ACVR1: variants seen among roughly 807,000 people sequenced by gnomAD.
The protein encoded by ACVR1 is activin receptor type-1.
A neutral mutation model predicts 57.1 loss-of-function variants in ACVR1; 38 were observed. The ratio of observed to expected loss-of-function variants is 0.67; its 90% CI spans 0.51 to 0.87. ACVR1 has a LOEUF of 0.87. ACVR1 is among the 40% of genes least tolerant of loss of function. The probability of loss-of-function intolerance (pLI) is 0.00; values close to 1 mark genes in which losing one functional copy is unlikely to be tolerated. For missense variants in ACVR1, 463 were observed against 638.2 expected (o/e 0.73, Z 2.96); for synonymous variants, 212 against 228.1 (o/e 0.93, Z 0.63).
intron 1 of ACVR1, among the ~76,000 whole-genome samples, chr2:157,862,315 CA>C (rs1689748497): frequency 6.6e-6 from 1 of 151,838 alleles, no homozygotes; most frequent in South Asian, 2.1e-4. Context: ...CTGCTTTTTT[CA>C]TGTAATATTT....
At chr2:157,797,378 C>A (rs913535183) in intron 3 of ACVR1, among the ~76,000 whole-genome samples, 1 of 152,096 alleles carries the variant, frequency 6.6e-6, no homozygotes, top group Non-Finnish European at 1.5e-5. Context: ...AGACCATACC[C>A]CAAAGAACCT....
chr2:157,855,373 A>C, intron 1 of ACVR1, among the ~76,000 whole-genome samples: 1 of 141,168 alleles, frequency 7.1e-6, no homozygotes, highest in African/African-American at 2.6e-5. Context: ...GGTGGCTTTC[A>C]TCTGTGGTCC....
chr2:157,780,250 C>T (rs1686452822), intron 4 of ACVR1, 87 bp downstream of exon 4: 1 of 1,580,914 alleles, frequency 6.3e-7, no homozygotes, highest in East Asian at 2.2e-5. Context: ...TGGAATGCCT[C>T]ATAGCTACTT....
intron 1 of ACVR1, among the ~76,000 whole-genome samples, chr2:157,849,744 C>A (rs369191402): frequency 2.8e-4 from 43 of 152,310 alleles, no homozygotes; most frequent in African/African-American, 1.0e-3. Context: ...CAGGAACATA[C>A]ACGGATAACC....
Position 157,738,465 on chromosome 2 carries a change from A to T in ACVR1, c.1370T>A (p.Ile457Lys), listed in dbSNP as rs1244629836. The T allele has an allele frequency of 1.2e-6, 2 of 1,613,980 alleles. No individual in the cohort carries two copies. Among genetic ancestry groups the T allele is most frequent in the Non-Finnish European group, 1.7e-6 (2 of 1,179,960 alleles). The change falls in exon 10 of 11, where the codon ATA becomes AAA. Residue 457 changes from isoleucine (I) to lysine (K), a missense_variant. Physicochemically the swap from Ile to Lys is moderately radical, Grantham distance 102. Transcript: ENST00000434821. ...CGGGTCTGAGAACCATCTGTTGGGT[A>T]TGTTTGGCCTTTGTTGATCCACACA... ...VVCVDQQRPN[I>K]PNRWFSDPTL...
intron 1 of ACVR1, among the ~76,000 whole-genome samples, chr2:157,837,689 G>A (rs998552493): frequency 6.6e-6 from 1 of 152,088 alleles, no homozygotes; most frequent in Non-Finnish European, 1.5e-5. Flanking sequence ...GAAACTACCA[G>A]CCAACTTCAT....
chr2:157,820,844 A>G lies in ACVR1; in HGVS notation c.-182-2285T>C, dbSNP rs140707977. Among the ~76,000 whole-genome samples, 560 of 152,336 alleles carry G rather than the reference A, an allele frequency of 3.7e-3. 1 individual carries two copies. The highest frequency in any genetic ancestry group is 4.9e-3 in the Non-Finnish European group (334 of 68,038). On this transcript the variant is annotated intron_variant, in intron 1 of 10. Transcript: ENST00000434821. ...CAATTCAAAACTAGGTAAAGATCAC[A>G]TATTATTCTTCACTGTTTGGCCCTC...
At chr2:157,829,428 A>C (rs1688505768) in intron 1 of ACVR1, among the ~76,000 whole-genome samples, 1 of 152,102 alleles carries the variant, frequency 6.6e-6, no homozygotes, top group Non-Finnish European at 1.5e-5. Flanking sequence ...TCTCCTCTAC[A>C]TCCCTGCCAT....
intron 1 of ACVR1, among the ~76,000 whole-genome samples, chr2:157,865,866 T>TA (rs1349784374): frequency 1.2e-4 from 15 of 125,896 alleles, no homozygotes; most frequent in Admixed American, 2.4e-4. Context: ...ATAGATAGAT[T>TA]GACTGATTGA....
chr2:157,766,265 A>T, intron 7 of ACVR1, 69 bp from the exon 8 acceptor site: 1 of 1,492,632 alleles, frequency 6.7e-7, no homozygotes, highest in Non-Finnish European at 9.3e-7. Flanking sequence ...ATTTAGAAAT[A>T]GCGACCTACA....
intron 3 of ACVR1, among the ~76,000 whole-genome samples, chr2:157,786,844 A>G (rs1267167905): frequency 6.6e-6 from 1 of 152,066 alleles, no homozygotes. Flanking sequence ...TAGTAGAGAA[A>G]AAGCTGCCCC....
At chr2:157,771,450 G>A (rs913972067) in intron 6 of ACVR1, among the ~76,000 whole-genome samples, 2 of 152,152 alleles carry the variant, frequency 1.3e-5, no homozygotes, top group Non-Finnish European at 2.9e-5. Context: ...GGAGGTTGGA[G>A]GAGGAGGTAA....
chr2:157,802,982 GAC>G (rs1309344908), intron 2 of ACVR1, among the ~76,000 whole-genome samples: 2 of 152,020 alleles, frequency 1.3e-5, no homozygotes, highest in African/African-American at 4.8e-5. Context: ...CATGCACACA[GAC>G]ACACACAGAG....
rs1684557378 is a variant in ACVR1 at position 157,737,007 on chromosome 2, A to G, written c.*524T>C. 2 of 285,966 alleles carry G rather than the reference A, an allele frequency of 7.0e-6. No homozygotes were observed. Among genetic ancestry groups the G allele is most frequent in the Non-Finnish European group, 1.3e-5 (2 of 153,480 alleles). 17.7% of individuals were successfully genotyped at this position (285,966 alleles called of 1,614,324 possible). A position where few individuals can be genotyped will look rare whatever the true frequency, so the allele number is the denominator to read the frequency against. On this transcript the variant is annotated 3_prime_UTR_variant, in exon 11 of 11. Coordinates refer to ENST00000434821, the MANE Select transcript of ACVR1 (RefSeq NM_001111067.4). ...TGTTTTGCCAAATTGAATTCCTATT[A>G]TCCAAAGACAGACCAGTGGAGTACG...
At chr2:157,859,151 G>T (rs1283190909) in intron 1 of ACVR1, among the ~76,000 whole-genome samples, 2 of 152,156 alleles carry the variant, frequency 1.3e-5, no homozygotes, top group Non-Finnish European at 2.9e-5. Flanking sequence ...GATGAAATAG[G>T]AGGTCGGCAC....
chr2:157,870,127 T>C (rs1558859761), intron 1 of ACVR1, among the ~76,000 whole-genome samples: 1 of 152,248 alleles, frequency 6.6e-6, no homozygotes, highest in Non-Finnish European at 1.5e-5. Flanking sequence ...CAGAATGCTT[T>C]TTCTCAAGTT....
intron 8 of ACVR1, among the ~76,000 whole-genome samples, chr2:157,764,363 C>CTTTTTTTTTTTTTTTTTTTT (rs113156681): frequency 7.5e-6 from 1 of 133,724 alleles, no homozygotes; most frequent in African/African-American, 2.8e-5. Context: ...TATTATTTTT[C>CTTTTTTTTTTTTTTTTTTTT]TTTTTTTTTT....
At chr2:157,770,334 A>G in intron 7 of ACVR1, 34 bp downstream of exon 7, 1 of 1,612,374 alleles carries the variant, frequency 6.2e-7, no homozygotes, top group Non-Finnish European at 8.5e-7. Flanking sequence ...TTCTCCCTAG[A>G]TACAATTAAT....
chr2:157,778,452 C>T, intron 4 of ACVR1, 110 bp from the exon 5 acceptor site: 1 of 900,596 alleles, frequency 1.1e-6, no homozygotes, highest in Non-Finnish European at 1.8e-6. Flanking sequence ...CACAGTCTCA[C>T]AACTCACGAA....
Sources: allele counts gnomAD v4.1 joint callset (sites outside exome capture counted in the v4.1 genomes callset), GRCh38; gene constraint gnomAD v4.1.1; transcripts MANE v1.5; gene names NCBI Gene and HGNC (gene_info 2026-07-23, HGNC 2026-07-21).